The following COL2A1 variants were observed in gnomAD, a reference collection of about 807,000 sequenced individuals.
COL2A1 encodes collagen type II alpha 1 chain.
A neutral mutation model predicts 204.5 loss-of-function variants in COL2A1; 28 were observed. The observed-to-expected ratio is 0.14, with a 90% CI of 0.10 to 0.19. COL2A1 has a LOEUF of 0.19. COL2A1 is among the 10% of genes least tolerant of loss of function. The probability of loss-of-function intolerance (pLI) is 1.00; values close to 1 mark genes in which losing one functional copy is unlikely to be tolerated. For missense variants in COL2A1, 1,388 were observed against 2,027.5 expected (o/e 0.68, Z 6.06); for synonymous variants, 708 against 718.7 (o/e 0.99, Z 0.24).
At chr12:47,977,692 C>T in intron 44 of COL2A1, 39 bp from the exon 45 acceptor site, 3 of 1,606,580 alleles carry the variant, frequency 1.9e-6, no homozygotes, top group Non-Finnish European at 2.6e-6. Context: ...AGAGCTGCTT[C>T]CTGCCCATCT....
chr12:47,998,507 C>T (rs1481737347), intron 2 of COL2A1, 76 bp from the exon 3 acceptor site: 4 of 1,443,106 alleles, frequency 2.8e-6, no homozygotes, highest in Non-Finnish European at 3.8e-6. Context: ...GTCACTCAAA[C>T]ACTCATTAGA....
At chr12:47,996,073 C>A (rs1374572392) in intron 8 of COL2A1, among the ~76,000 whole-genome samples, 154 bp from the exon 9 acceptor site, 2 of 152,190 alleles carry the variant, frequency 1.3e-5, no homozygotes, top group African/African-American at 2.4e-5. Context: ...ATTTCCCACT[C>A]CCCACGCAAC....
chr12:47,988,956 T>C (rs1232128010), intron 18 of COL2A1, among the ~76,000 whole-genome samples: 1 of 152,242 alleles, frequency 6.6e-6, no homozygotes, highest in East Asian at 1.9e-4. Context: ...GCCTATGGTG[T>C]ATCCCCGTCT....
At chr12:47,989,093 C>T in intron 18 of COL2A1, 135 bp downstream of exon 18, 1 of 746,672 alleles carries the variant, frequency 1.3e-6, no homozygotes. Context: ...GATGGAGGGG[C>T]CAGTGGGTGG....
chr12:47,993,041 A>T, intron 15 of COL2A1, 110 bp from the exon 16 acceptor site: 1 of 1,036,524 alleles, frequency 9.6e-7, no homozygotes, highest in Non-Finnish European at 1.5e-6. Context: ...GAGGATGCCC[A>T]CACCCAGGAA....
At chr12:48,004,714 G>T (rs556053188), upstream of COL2A1, among the ~76,000 whole-genome samples, 7 of 151,910 alleles carry the variant, frequency 4.6e-5, no homozygotes, top group South Asian at 1.5e-3. Context: ...CGGGCGGGGC[G>T]CAGAGATGGC....
chr12:47,979,423 C>T, intron 41 of COL2A1, 88 bp downstream of exon 41: 1 of 1,409,380 alleles, frequency 7.1e-7, no homozygotes. Flanking sequence ...GGAGTGAAGG[C>T]CAGCCTGGAG....
At position 47,978,680 on chromosome 12, in the gene COL2A1, G is replaced by A. The variant is rs200772957; in HGVS notation, c.2812C>T (p.Pro938Ser). 1 of 1,613,328 alleles carries A rather than the reference G, an allele frequency of 6.2e-7. No homozygotes were observed. The change falls in exon 42 of 54, where the codon CCT (proline) becomes TCT (serine). Residue 938 changes from proline to serine, a missense_variant. Physicochemically the swap from Pro to Ser is moderately conservative, Grantham distance 74. This residue lies in a region of COL2A1 where 884 missense variants were observed against 1,415.8 expected (regional missense o/e 0.62). Transcript: ENST00000380518. This position sits in a 1 kb window ranked among gnomAD's most constrained non-coding sequence, Gnocchi z 5.5. ...AGGCCGGGTTCACCAGCTCGGCCAG[G>A]GGGGCCGCTGTCTCCTCGAGCACCT... ...PKGARGDSGP[P>S]GRAGEPGLQG...
intron 10 of COL2A1, 80 bp downstream of exon 10, chr12:47,995,630 G>T: frequency 7.4e-7 from 1 of 1,355,824 alleles, no homozygotes; most frequent in Non-Finnish European, 1.1e-6. Flanking sequence ...GCAGAGCCTG[G>T]GAGGGACAGC....
At position 47,987,529 on chromosome 12, in the gene COL2A1, A is replaced by G. The variant is rs776270942; in HGVS notation, c.1221+82T>C. 16 of 1,301,772 alleles carry G rather than the reference A, an allele frequency of 1.2e-5. No homozygotes were observed. Among genetic ancestry groups the G allele is most frequent in the Non-Finnish European group, 1.6e-5 (15 of 918,114 alleles). The allele number at this position is 1,301,772 out of a possible 1,614,324, so 80.6% of individuals were successfully genotyped here. A position where few individuals can be genotyped will look rare whatever the true frequency, so the allele number is the denominator to read the frequency against. ...GAAGGTTTGGTGGTTGGAGCCCACA[A>G]CTGTCAGAGCAAAGTACAGAGTCAA... On this transcript the variant is annotated intron_variant, in intron 19 of 53. Transcript: ENST00000380518. This position sits in a 1 kb window ranked among gnomAD's most constrained non-coding sequence, Gnocchi z 4.1.
At chr12:47,986,524 TA>T in intron 22 of COL2A1, 81 bp from the exon 23 acceptor site, 1 of 857,896 alleles carries the variant, frequency 1.2e-6, no homozygotes, top group South Asian at 1.4e-5. Flanking sequence ...ATGAAGGAAG[TA>T]GCCTTGGCAA....
chr12:47,997,651 G>A lies in COL2A1; in HGVS notation c.486C>T (p.Gly162=). ...CAGGGGGGCCGGGAGGACCAGGGGG[G>A]CCAGGATTTCCAGGGGTCCCAGGTT... The part of the protein sequence containing the change: ...DGEPGTPGNP[G]PPGPPGPPGP... Residue 162 remains glycine, a synonymous_variant, in exon 7 of 54, where the codon GGC becomes GGT. Coordinates refer to ENST00000380518, the MANE Select transcript of COL2A1 (RefSeq NM_001844.5). 2 of 1,613,612 alleles carry A rather than the reference G, an allele frequency of 1.2e-6. No individual in the cohort carries two copies. The highest frequency in any genetic ancestry group is 1.3e-5 in the African/African-American group (1 of 74,964).
rs138498898 is a variant in COL2A1, at chr12:47,974,258, G to A, written c.4148C>T (p.Thr1383Met). ...GTAGGTGATGTTCTGGGAGCCTTCC[G>A]TGGACAGCAGGCGTAGGAAGGTCAT... The part of the protein sequence containing the change: ...VQMTFLRLLS[T>M]EGSQNITYHC... The change falls in exon 53 of 54, where the codon ACG becomes ATG. Residue 1383 changes from threonine to methionine, a missense_variant. By Grantham distance (81) the Thr-to-Met change is moderately conservative. Coordinates refer to ENST00000380518, the MANE Select transcript of COL2A1 (RefSeq NM_001844.5). The A allele has an allele frequency of 6.7e-5, 108 of 1,614,116 alleles. No homozygotes were observed. The highest frequency in any genetic ancestry group is 2.2e-4 in the East Asian group (10 of 44,898).
At chr12:47,986,536 C>G (rs1288273669) in intron 22 of COL2A1, 93 bp from the exon 23 acceptor site, 7 of 766,858 alleles carry the variant, frequency 9.1e-6, no homozygotes, top group South Asian at 1.5e-5. Context: ...GCCTTGGCAA[C>G]TGTTTCAGGG....
Position 47,974,270 on chromosome 12 carries a change from C to T in COL2A1, c.4136G>A (p.Arg1379His), listed in dbSNP as rs754487319. The T allele has an allele frequency of 4.0e-5, 64 of 1,614,028 alleles. No homozygotes were observed. Among genetic ancestry groups the T allele is most frequent in the Admixed American group, 2.3e-4 (14 of 59,992 alleles). The change falls in exon 53 of 54, where the codon CGC becomes CAC. Residue 1379 changes from arginine to histidine, a missense_variant. By Grantham distance (29) the Arg-to-His change is conservative. This residue lies in a region of COL2A1 where 303 missense variants were observed against 369.2 expected (regional missense o/e 0.82). Coordinates refer to ENST00000380518, the MANE Select transcript of COL2A1 (RefSeq NM_001844.5). ...CTGGGAGCCTTCCGTGGACAGCAGG[C>T]GTAGGAAGGTCATCTGGACGTTGGC... The part of the protein sequence containing the change: ...NTANVQMTFL[R>H]LLSTEGSQNI...
chr12:47,979,405 G>C (rs947637752), intron 41 of COL2A1, 106 bp downstream of exon 41: 4 of 1,166,766 alleles, frequency 3.4e-6, no homozygotes, highest in Non-Finnish European at 5.2e-6. Flanking sequence ...GGCAGGAACG[G>C]ACTCAGAGGA....
At chr12:47,974,361 C>T in intron 52 of COL2A1, 30 bp from the exon 53 acceptor site, 1 of 1,612,028 alleles carries the variant, frequency 6.2e-7, no homozygotes, top group Non-Finnish European at 8.5e-7. Flanking sequence ...CAGTGTGAGG[C>T]CTGGGAGCTG....
At chr12:47,981,713 A>C in intron 36 of COL2A1, 63 bp downstream of exon 36, 41 of 1,488,974 alleles carry the variant, frequency 2.8e-5, no homozygotes, top group Non-Finnish European at 3.3e-5. Context: ...CGCCTTTGGC[A>C]GGAGATAAGA....
intron 22 of COL2A1, 42 bp from the exon 23 acceptor site, chr12:47,986,485 T>A: frequency 7.7e-7 from 1 of 1,297,378 alleles, no homozygotes; most frequent in Non-Finnish European, 1.1e-6. Flanking sequence ...AGCCTTCACC[T>A]GGCCTTGGAG....
Sources: gnomAD v4.1 joint callset for allele counts (sites outside exome capture counted in the v4.1 genomes callset) on GRCh38, gnomAD v4.1.1 for gene constraint, gnomAD v4.1.1 regional missense constraint, Gnocchi (gnomAD v3.1) non-coding constraint, MANE v1.5 for transcripts, NCBI Gene and HGNC (gene_info 2026-07-23, HGNC 2026-07-21) for gene names.